The following L3MBTL3 variants were observed in gnomAD, a reference collection of about 807,000 sequenced individuals.
L3MBTL3 encodes the protein L3MBTL histone methyl-lysine binding protein 3.
A neutral mutation model predicts 102.3 loss-of-function variants in L3MBTL3; 27 were observed. The ratio of observed to expected loss-of-function variants is 0.26; its 90% CI spans 0.19 to 0.36. L3MBTL3 has a LOEUF of 0.36. Ranked by LOEUF, L3MBTL3 falls within the 10% of genes least tolerant of loss-of-function variation. L3MBTL3 has a pLI of 1.00. For synonymous variants in L3MBTL3, 340 were observed against 320.9 expected (o/e 1.06, Z -0.64); for missense variants, 798 against 955.3 (o/e 0.84, Z 2.17).
chr6:130,099,322 G>C (rs952077498), intron 18 of L3MBTL3, among the ~76,000 whole-genome samples: 9 of 152,120 alleles, frequency 5.9e-5, no homozygotes, highest in African/African-American at 1.9e-4. Flanking sequence ...AACCATGACA[G>C]AACATACACA....
chr6:130,063,693 C>T (rs544653064), intron 10 of L3MBTL3, among the ~76,000 whole-genome samples: 1 of 152,288 alleles, frequency 6.6e-6, no homozygotes, highest in Admixed American at 6.5e-5. Context: ...CCTGATGAAG[C>T]TTATCTAGCA....
chr6:130,026,772 C>G (rs1779376286), intron 2 of L3MBTL3, among the ~76,000 whole-genome samples: 2 of 151,414 alleles, frequency 1.3e-5, no homozygotes, highest in Admixed American at 6.6e-5. Context: ...AGGAAGAGAC[C>G]CAATAAGGTA....
chr6:130,033,931 A>G (rs537612691), intron 2 of L3MBTL3, among the ~76,000 whole-genome samples: 19 of 152,378 alleles, frequency 1.2e-4, no homozygotes, highest in Non-Finnish European at 2.6e-4. Flanking sequence ...ACCCTTTCTC[A>G]GTAATCCAAA....
Position 130,022,279 on chromosome 6 carries a change from A to T in L3MBTL3, c.-42A>T, listed in dbSNP as rs986269726. 2 of 152,176 alleles carry T rather than the reference A, an allele frequency of 1.3e-5. No homozygotes were observed. The highest frequency in any genetic ancestry group is 2.4e-5 in the African/African-American group (1 of 41,434). The allele number at this position is 152,176 out of a possible 1,614,324, so 9.4% of individuals were successfully genotyped here. On this transcript the variant is annotated 5_prime_UTR_variant, in exon 2 of 23. Coordinates refer to ENST00000361794, the MANE Select transcript of L3MBTL3 (RefSeq NM_032438.4). The stretch of plus-strand genomic sequence containing the variant: ...ACAGCAATTGTGAAGATCGCCAGAG[A>T]GTTCTGTGTTTCATCACCGCCGAAA...
chr6:130,065,937 G>C (rs1231132447), intron 10 of L3MBTL3, among the ~76,000 whole-genome samples: 1 of 152,102 alleles, frequency 6.6e-6, no homozygotes, highest in Non-Finnish European at 1.5e-5. Flanking sequence ...ATATGCACCA[G>C]CTGTGGTCTG....
intron 18 of L3MBTL3, 131 bp downstream of exon 18, chr6:130,094,498 T>A: frequency 2.1e-6 from 1 of 473,968 alleles, no homozygotes; most frequent in Non-Finnish European, 3.6e-6. Context: ...GTGGTTACCA[T>A]GGTGATCATG....
intron 13 of L3MBTL3, among the ~76,000 whole-genome samples, chr6:130,073,948 G>T (rs1311101782): frequency 1.3e-5 from 2 of 152,108 alleles, no homozygotes; most frequent in Non-Finnish European, 2.9e-5. Context: ...AAAACAGTGT[G>T]TTTTCTTCCT....
chr6:130,111,373 A>G (rs1435956777), intron 19 of L3MBTL3, among the ~76,000 whole-genome samples: 1 of 152,148 alleles, frequency 6.6e-6, no homozygotes, highest in Non-Finnish European at 1.5e-5. Flanking sequence ...GTACATGTTA[A>G]TTCCCCAGCA....
At chr6:130,122,998 A>G (rs547310357) in intron 20 of L3MBTL3, among the ~76,000 whole-genome samples, 1 of 152,338 alleles carries the variant, frequency 6.6e-6, no homozygotes, top group East Asian at 1.9e-4. Context: ...AAAAGTTCAG[A>G]TAGATTGATA....
intron 19 of L3MBTL3, among the ~76,000 whole-genome samples, chr6:130,109,375 C>T (rs1008177046): frequency 6.6e-6 from 1 of 152,158 alleles, no homozygotes; most frequent in East Asian, 1.9e-4. Context: ...TCTGTTGTTT[C>T]GTGACTTTTT....
intron 19 of L3MBTL3, among the ~76,000 whole-genome samples, chr6:130,107,392 G>C (rs1327229236): frequency 6.6e-6 from 1 of 152,114 alleles, no homozygotes; most frequent in Non-Finnish European, 1.5e-5. Context: ...TAAATCAGCA[G>C]TATACAAAGA....
intron 22 of L3MBTL3, among the ~76,000 whole-genome samples, chr6:130,136,385 G>A (rs763112949): frequency 6.6e-5 from 10 of 152,016 alleles, no homozygotes; most frequent in South Asian, 2.1e-4. Context: ...ACGAGTCTAC[G>A]TGCTGGCCTC....
At chr6:130,104,753 A>G (rs562625940) in intron 19 of L3MBTL3, among the ~76,000 whole-genome samples, 178 bp downstream of exon 19, 2 of 151,890 alleles carry the variant, frequency 1.3e-5, no homozygotes, top group African/African-American at 4.8e-5. Flanking sequence ...AAAAAATTAG[A>G]GAATTGATAA....
chr6:130,040,645 C>G (rs1261825665), intron 2 of L3MBTL3, among the ~76,000 whole-genome samples: 4 of 152,134 alleles, frequency 2.6e-5, no homozygotes, highest in Non-Finnish European at 5.9e-5. Flanking sequence ...GCTACAAATA[C>G]TGTTAGTGTT....
chr6:130,088,870 C>T (rs1210689340), intron 16 of L3MBTL3, among the ~76,000 whole-genome samples: 1 of 152,066 alleles, frequency 6.6e-6, no homozygotes, highest in African/African-American at 2.4e-5. Context: ...CTTATCTTTT[C>T]AGTAGTTATT....
intron 13 of L3MBTL3, among the ~76,000 whole-genome samples, chr6:130,076,748 A>G (rs898537644): frequency 1.3e-4 from 20 of 152,180 alleles, no homozygotes; most frequent in Admixed American, 2.6e-4. Flanking sequence ...TTGTTTTACA[A>G]TAGTAGCAGA....
intron 18 of L3MBTL3, among the ~76,000 whole-genome samples, chr6:130,102,838 A>C (rs1482688276): frequency 3.3e-5 from 5 of 152,004 alleles, no homozygotes; most frequent in African/African-American, 1.2e-4. Context: ...CTTTTATATC[A>C]TGGTATTTCT....
intron 13 of L3MBTL3, among the ~76,000 whole-genome samples, chr6:130,072,909 G>T (rs913801262): frequency 6.6e-6 from 1 of 152,060 alleles, no homozygotes; most frequent in African/African-American, 2.4e-5. Context: ...GCTTGACCTC[G>T]TTTAATTTAC....
At chr6:130,137,349 GA>G (rs1435363018) in intron 22 of L3MBTL3, among the ~76,000 whole-genome samples, 1 of 151,618 alleles carries the variant, frequency 6.6e-6, no homozygotes, top group South Asian at 2.1e-4. Flanking sequence ...GAAGCTAACC[GA>G]AAAAAAAGTA....
Sources: allele counts gnomAD v4.1 joint callset (sites outside exome capture counted in the v4.1 genomes callset), GRCh38; gene constraint gnomAD v4.1.1; transcripts MANE v1.5; gene names NCBI Gene and HGNC (gene_info 2026-07-23, HGNC 2026-07-21).